The following RBFOX1 variants were observed in gnomAD, a reference collection of about 807,000 sequenced individuals.
RBFOX1 encodes the protein RNA binding fox-1 homolog 1.
A neutral mutation model predicts 57.7 loss-of-function variants in RBFOX1; 8 were observed. That is an observed-to-expected ratio of 0.14 (90% CI 0.08 to 0.25). The LOEUF (loss-of-function observed/expected upper bound fraction) is 0.25, where lower values mean the gene tolerates loss of function less well. Among genes scored for constraint, RBFOX1 ranks in the 10% least tolerant of loss-of-function variants. RBFOX1 has a pLI of 1.00. For missense variants in RBFOX1, 611 were observed against 548.5 expected, an observed-to-expected ratio of 1.11 and a Z score of -1.14; for synonymous variants, 326 against 222.4, an observed-to-expected ratio of 1.47 and a Z score of -4.15.
At chr16:6,799,626 A>G (rs1171273092) in intron 3 of RBFOX1, among the ~76,000 whole-genome samples, 1 of 152,138 alleles carries the variant, frequency 6.6e-6, no homozygotes, top group African/African-American at 2.4e-5. Context: ...TGTTGGCACC[A>G]TCCAATCAGC....
intron 2 of RBFOX1, among the ~76,000 whole-genome samples, chr16:6,421,757 G>A (rs542637775): frequency 2.4e-4 from 36 of 151,830 alleles, no homozygotes; most frequent in Non-Finnish European, 4.1e-4. Flanking sequence ...TTTTCAATAC[G>A]CAGGTTTATC....
chr16:7,232,725 C>T (rs1259382136), intron 4 of RBFOX1, among the ~76,000 whole-genome samples: 2 of 151,928 alleles, frequency 1.3e-5, no homozygotes, highest in African/African-American at 2.4e-5. Flanking sequence ...CCTGTAGTCC[C>T]AGCTACTGAG....
intron 4 of RBFOX1, among the ~76,000 whole-genome samples, chr16:7,170,542 C>T (rs2080481199): frequency 6.6e-6 from 1 of 152,144 alleles, no homozygotes; most frequent in Non-Finnish European, 1.5e-5. Context: ...AAGTGCGAGC[C>T]ACCACTTCTG....
At chr16:7,084,654 A>G (rs775774914) in intron 4 of RBFOX1, among the ~76,000 whole-genome samples, 1 of 152,230 alleles carries the variant, frequency 6.6e-6, no homozygotes, top group Non-Finnish European at 1.5e-5. Context: ...TTCAAAGACC[A>G]GAGGCTGATT....
intron 2 of RBFOX1, among the ~76,000 whole-genome samples, chr16:6,576,643 AT>A (rs2097442186): frequency 7.4e-6 from 1 of 134,490 alleles, no homozygotes; most frequent in African/African-American, 2.7e-5. Flanking sequence ...GGTTGTTCCT[AT>A]TTTTGTTGGC....
chr16:5,936,158 C>T (rs548060901), intron 4 of RBFOX1, among the ~76,000 whole-genome samples: 2 of 152,286 alleles, frequency 1.3e-5, no homozygotes, highest in African/African-American at 4.8e-5. Context: ...GAGTTTCACT[C>T]TGTCACCCAG....
At chr16:7,173,928 A>G (rs1481232888) in intron 4 of RBFOX1, among the ~76,000 whole-genome samples, 1 of 152,202 alleles carries the variant, frequency 6.6e-6, no homozygotes, top group Non-Finnish European at 1.5e-5. Context: ...AACGTATCCC[A>G]CCCTGGGTGA....
chr16:6,972,920 T>G (rs2085909628), intron 3 of RBFOX1, among the ~76,000 whole-genome samples: 1 of 152,150 alleles, frequency 6.6e-6, no homozygotes. Flanking sequence ...GGTCAGGAGT[T>G]CGAGGCCAAC....
chr16:5,995,775 G>A (rs935626240), intron 4 of RBFOX1, among the ~76,000 whole-genome samples: 1 of 152,194 alleles, frequency 6.6e-6, no homozygotes, highest in Non-Finnish European at 1.5e-5. Context: ...AAATAGGGTA[G>A]GGAGGGAGCT....
At chr16:7,439,129 C>A (rs1372584976) in intron 4 of RBFOX1, among the ~76,000 whole-genome samples, 1 of 152,130 alleles carries the variant, frequency 6.6e-6, no homozygotes, top group East Asian at 1.9e-4. Flanking sequence ...AAATGGATGC[C>A]CTTGTCCTTC....
chr16:7,045,822 A>AT (rs1192419504), intron 3 of RBFOX1, among the ~76,000 whole-genome samples: 1 of 151,766 alleles, frequency 6.6e-6, no homozygotes, highest in East Asian at 1.9e-4. Context: ...CGTGTGGCTA[A>AT]TTTTTTTGTA....
rs184055161 is a variant in RBFOX1 at position 7,315,359 on chromosome 16, G to A, written c.28-202788G>A. Among the ~76,000 whole-genome samples, 700 of 151,836 alleles carry A rather than the reference G, an allele frequency of 4.6e-3. 2 individuals are homozygous for A. Among genetic ancestry groups the A allele is most frequent in the African/African-American group, 0.016 (655 of 41,428 alleles). ...GAGTTAAAAAAGAAAGATACGTAAGGCTTTTAGGAAATAAACATGTCATTT... is the reference window on the plus strand; with the variant it reads ...GAGTTAAAAAAGAAAGATACGTAAGACTTTTAGGAAATAAACATGTCATTT... On this transcript the variant is annotated intron_variant, in intron 4 of 15. Coordinates refer to ENST00000550418, the MANE Select transcript of RBFOX1 (RefSeq NM_018723.4).
chr16:5,952,960 C>G (rs1414211470), intron 4 of RBFOX1, among the ~76,000 whole-genome samples: 2 of 152,138 alleles, frequency 1.3e-5, no homozygotes, highest in Non-Finnish European at 2.9e-5. Flanking sequence ...TTTTTACAAG[C>G]ACTTCAGATG....
intron 2 of RBFOX1, among the ~76,000 whole-genome samples, chr16:6,641,593 G>C (rs1313116144): frequency 3.9e-5 from 6 of 151,942 alleles, no homozygotes; most frequent in African/African-American, 1.5e-4. Context: ...AAGTTAGCTG[G>C]GTGTGATGGT....
intron 4 of RBFOX1, among the ~76,000 whole-genome samples, chr16:7,414,601 T>C (rs1243430805): frequency 6.6e-6 from 1 of 152,022 alleles, no homozygotes; most frequent in East Asian, 1.9e-4. Flanking sequence ...TTTTCAAATA[T>C]TGTTTTTATT....
chr16:7,478,067 A>C (rs2063115382), intron 4 of RBFOX1, among the ~76,000 whole-genome samples: 1 of 152,216 alleles, frequency 6.6e-6, no homozygotes, highest in Non-Finnish European at 1.5e-5. Flanking sequence ...GTGCATTTCA[A>C]ATGGATAAGC....
chr16:7,441,242 C>G (rs183524711), intron 4 of RBFOX1, among the ~76,000 whole-genome samples: 4 of 152,256 alleles, frequency 2.6e-5, no homozygotes, highest in Admixed American at 2.0e-4. Context: ...CTCTGCAAGG[C>G]TAGGAATTTA....
chr16:6,830,590 G>C (rs985434547), intron 3 of RBFOX1, among the ~76,000 whole-genome samples: 2 of 152,150 alleles, frequency 1.3e-5, no homozygotes, highest in Non-Finnish European at 2.9e-5. Flanking sequence ...AATTGATGTT[G>C]ACATCTAGTT....
At chr16:7,485,594 G>T (rs1293178241) in intron 4 of RBFOX1, among the ~76,000 whole-genome samples, 1 of 152,086 alleles carries the variant, frequency 6.6e-6, no homozygotes, top group Non-Finnish European at 1.5e-5. Context: ...TACTCCCCCA[G>T]GCAAGAGCCC....
Sources: gnomAD v4.1 joint callset for allele counts (sites outside exome capture counted in the v4.1 genomes callset) on GRCh38, gnomAD v4.1.1 for gene constraint, MANE v1.5 for transcripts, NCBI Gene and HGNC (gene_info 2026-07-23, HGNC 2026-07-21) for gene names.